Variants in RBFOX1 observed in about 807,000 individuals in gnomAD.
RBFOX1 encodes RNA binding protein fox-1 homolog 1.
RBFOX1 carries 8 observed loss-of-function variants against 57.7 expected under a neutral mutation model. That is an observed-to-expected ratio of 0.14 (90% CI 0.08 to 0.25). The LOEUF is 0.25. Ranked by LOEUF, RBFOX1 falls within the 10% of genes least tolerant of loss-of-function variation. The probability of loss-of-function intolerance (pLI) is 1.00; values close to 1 mark genes in which losing one functional copy is unlikely to be tolerated. For synonymous variants in RBFOX1, 326 were observed against 222.4 expected, an observed-to-expected ratio of 1.47 and a Z score of -4.15; for missense variants, 611 against 548.5, an observed-to-expected ratio of 1.11 and a Z score of -1.14.
chr16:5,567,416 ATC>A (rs2046110926), intron 2 of RBFOX1, among the ~76,000 whole-genome samples: 1 of 152,230 alleles, frequency 6.6e-6, no homozygotes, highest in East Asian at 1.9e-4. Context: ...AACACAGCCA[ATC>A]TCTCTGGGTA....
intron 1 of RBFOX1, among the ~76,000 whole-genome samples, chr16:5,295,846 C>G (rs965280391): frequency 6.6e-6 from 1 of 152,200 alleles, no homozygotes; most frequent in African/African-American, 2.4e-5. Context: ...TGGGAGGCAT[C>G]TGGTTGCCAT....
At chr16:7,093,976 G>C (rs998127260) in intron 4 of RBFOX1, among the ~76,000 whole-genome samples, 1 of 151,016 alleles carries the variant, frequency 6.6e-6, no homozygotes, top group African/African-American at 2.5e-5. Flanking sequence ...AACCTGGTGA[G>C]TATTAATAAA....
chr16:5,683,949 T>C (rs1202863107), intron 3 of RBFOX1, among the ~76,000 whole-genome samples: 1 of 152,058 alleles, frequency 6.6e-6, no homozygotes, highest in Non-Finnish European at 1.5e-5. Context: ...TTTTGACATA[T>C]TATCCCAAGG....
intron 3 of RBFOX1, among the ~76,000 whole-genome samples, chr16:6,896,324 A>T (rs557209366): frequency 6.6e-6 from 1 of 152,304 alleles, no homozygotes; most frequent in East Asian, 1.9e-4. Context: ...TCTTTTAGTT[A>T]TTTTTAAATA....
intron 3 of RBFOX1, among the ~76,000 whole-genome samples, chr16:6,734,277 A>G (rs1425579939): frequency 1.3e-5 from 2 of 152,196 alleles, no homozygotes; most frequent in Non-Finnish European, 2.9e-5. Context: ...AGCAGTGTGC[A>G]TGCGAGGGCT....
At chr16:5,528,049 C>A (rs1357282811) in intron 2 of RBFOX1, among the ~76,000 whole-genome samples, 2 of 152,134 alleles carry the variant, frequency 1.3e-5, no homozygotes, top group South Asian at 2.1e-4. Context: ...GCTCAACATT[C>A]AAACACCTAT....
At chr16:6,470,006 G>A (rs999897193) in intron 2 of RBFOX1, among the ~76,000 whole-genome samples, 49 of 152,190 alleles carry the variant, frequency 3.2e-4, no homozygotes, top group African/African-American at 1.1e-3. Context: ...GTAATCCAGT[G>A]TCCTATTCAA....
chr16:7,242,359 A>G (rs1677125781), intron 4 of RBFOX1, among the ~76,000 whole-genome samples: 1 of 152,230 alleles, frequency 6.6e-6, no homozygotes, highest in African/African-American at 2.4e-5. Context: ...TCTGATGCAG[A>G]CAGGTTGTGC....
intron 4 of RBFOX1, chr16:7,332,768 T>C (rs1446069471): frequency 1.4e-6 from 2 of 1,382,996 alleles, no homozygotes; most frequent in Non-Finnish European, 1.9e-6. Context: ...TTTTGGTAGC[T>C]TCAACTTTGC....
chr16:5,504,905 G>C (rs2043326379), intron 2 of RBFOX1, among the ~76,000 whole-genome samples: 1 of 152,178 alleles, frequency 6.6e-6, no homozygotes, highest in South Asian at 2.1e-4. Context: ...CAGATCTGTA[G>C]AGACAGACAG....
At position 6,875,875 on chromosome 16, in the gene RBFOX1, G is replaced by C. The variant is rs150994067; in HGVS notation, c.-15-176182G>C. 7.7e-3 allele frequency among the ~76,000 whole-genome samples: 1,173 copies of C among 152,232 alleles called. 3 individuals are homozygous for C. Among genetic ancestry groups the C allele is most frequent in the Non-Finnish European group, 0.013 (891 of 68,010 alleles). Reference sequence around the variant, plus strand: ...TAGCCAGTCATGGTGGTCCATGCGTGGAATCCAGGCTACTTGAAGGGCTGA... The same window carrying C: ...TAGCCAGTCATGGTGGTCCATGCGTCGAATCCAGGCTACTTGAAGGGCTGA... On this transcript the variant is annotated intron_variant, in intron 3 of 15. Transcript: ENST00000550418.
At chr16:6,304,042 C>G (rs1184410587) in intron 1 of RBFOX1, among the ~76,000 whole-genome samples, 1 of 150,802 alleles carries the variant, frequency 6.6e-6, no homozygotes, top group African/African-American at 2.4e-5. Context: ...GAACTCCTGA[C>G]CTCATGATCT....
At chr16:6,207,363 G>T (rs1043418706) in intron 1 of RBFOX1, among the ~76,000 whole-genome samples, 1 of 152,196 alleles carries the variant, frequency 6.6e-6, no homozygotes, top group Non-Finnish European at 1.5e-5. Flanking sequence ...CCAAAAGGTT[G>T]CTGCACTCAT....
chr16:7,275,029 G>A (rs1182689942), intron 4 of RBFOX1, among the ~76,000 whole-genome samples: 1 of 152,158 alleles, frequency 6.6e-6, no homozygotes, highest in Non-Finnish European at 1.5e-5. Context: ...AAGAATCTGA[G>A]CAGGTGGTCG....
At chr16:5,940,026 C>G (rs1462999492) in intron 4 of RBFOX1, among the ~76,000 whole-genome samples, 1 of 152,214 alleles carries the variant, frequency 6.6e-6, no homozygotes, top group Non-Finnish European at 1.5e-5. Context: ...TGCCATCTTC[C>G]TTACAGGATT....
chr16:6,797,488 C>G (rs1326984552), intron 3 of RBFOX1, among the ~76,000 whole-genome samples: 3 of 152,168 alleles, frequency 2.0e-5, no homozygotes, highest in South Asian at 2.1e-4. Flanking sequence ...TCCCCCAGTA[C>G]AAGCCTAATG....
intron 3 of RBFOX1, among the ~76,000 whole-genome samples, chr16:6,817,983 G>A (rs1228621901): frequency 2.0e-5 from 3 of 152,150 alleles, no homozygotes; most frequent in African/African-American, 7.2e-5. Flanking sequence ...ACGCAGGCCT[G>A]CCATCCTCAA....
chr16:7,109,313 C>A (rs554938952), intron 4 of RBFOX1, among the ~76,000 whole-genome samples: 6 of 152,122 alleles, frequency 3.9e-5, no homozygotes, highest in Admixed American at 3.9e-4. Flanking sequence ...CTTGACCATG[C>A]CGTGAAACAA....
chr16:7,014,400 TTTTTA>T (rs1249579678), intron 3 of RBFOX1, among the ~76,000 whole-genome samples: 3 of 151,742 alleles, frequency 2.0e-5, no homozygotes, highest in African/African-American at 2.4e-5. Context: ...TATTTTTTTG[TTTTTA>T]TTTTATTTTA....
Sources: allele counts gnomAD v4.1 joint callset (sites outside exome capture counted in the v4.1 genomes callset), GRCh38; gene constraint gnomAD v4.1.1; transcripts MANE v1.5; gene names NCBI Gene and HGNC (gene_info 2026-07-23, HGNC 2026-07-21).